Variants in ANKMY1 observed in about 807,000 individuals in gnomAD.
ANKMY1 encodes the protein ankyrin repeat and MYND domain-containing protein 1.
In ANKMY1, 98 loss-of-function variants were observed where a neutral mutation model predicts 102.0. The ratio of observed to expected loss-of-function variants is 0.96; its 90% confidence interval spans 0.82 to 1.14. The LOEUF is 1.14. ANKMY1 is among the 50% of genes most tolerant of loss of function. ANKMY1 has a pLI of 0.00. For synonymous variants in ANKMY1, 582 were observed against 559.9 expected (o/e 1.04, Z -0.56); for missense variants, 1,330 against 1,347.6 (o/e 0.99, Z 0.20).
chr2:240,501,984 G>A (rs1479129372), intron 13 of ANKMY1, among the ~76,000 whole-genome samples: 2 of 152,182 alleles, frequency 1.3e-5, no homozygotes, highest in South Asian at 2.1e-4. Flanking sequence ...CCCATGAGTC[G>A]GTTCCCTGCT....
At chr2:240,517,313 T>C (rs1009166484) in intron 9 of ANKMY1, among the ~76,000 whole-genome samples, 21 of 152,220 alleles carry the variant, frequency 1.4e-4, no homozygotes, top group African/African-American at 4.8e-4. Flanking sequence ...CTTCCGGGCA[T>C]GTGGTAAGTG....
Position 240,524,330 on chromosome 2 carries a change from T to C in ANKMY1, c.1387A>G (p.Thr463Ala), listed in dbSNP as rs764115688. ...TCATAGTACAGAGACTCCAGGTTTGTGTCCATAAATGATGATGAAAGGATT... is the reference window on the plus strand; with the variant it reads ...TCATAGTACAGAGACTCCAGGTTTGCGTCCATAAATGATGATGAAAGGATT... ...VPILSSSFMDTNLESLYYEVN... is the reference protein window; with the variant it reads ...VPILSSSFMDANLESLYYEVN... Residue 463 changes from threonine to alanine, a missense_variant, in exon 8 of 18, where the codon ACA becomes GCA. Physicochemically the swap from Thr to Ala is moderately conservative, Grantham distance 58. Transcript: ENST00000401804. 3.1e-6 allele frequency: 5 copies of C among 1,610,812 alleles called. No individual in the cohort carries two copies. The highest frequency in any genetic ancestry group is 4.2e-6 in the Non-Finnish European group (5 of 1,178,128).
At chr2:240,471,566 C>A in the ANKMY1 span, among the ~76,000 whole-genome samples, 17 of 152,210 alleles carry the variant, frequency 1.1e-4, no homozygotes, top group African/African-American at 4.1e-4. Flanking sequence ...AAGGATAGAA[C>A]AATTCCATTT....
At position 240,520,095 on chromosome 2, in the gene ANKMY1, T is replaced by C. The variant is rs906188502; in HGVS notation, c.2004+267A>G. 2 of 661,284 alleles carry C rather than the reference T, an allele frequency of 3.0e-6. No homozygotes were observed. The highest frequency in any genetic ancestry group is 5.7e-6 in the Non-Finnish European group (2 of 351,320). The allele number at this position is 661,284 out of a possible 1,614,324, so 41.0% of individuals were successfully genotyped here. ...GGGGCCTTCAGGATGCGCTTCCCCT[T>C]AGTTTGCTTCAACACTGGGAAAAAA... On this transcript the variant is annotated intron_variant, in intron 9 of 17. Coordinates refer to ENST00000401804, the MANE Select transcript of ANKMY1 (RefSeq NM_001282771.3). This position sits in a 1 kb window ranked among gnomAD's most constrained non-coding sequence, Gnocchi z 4.8.
intron 2 of ANKMY1, among the ~76,000 whole-genome samples, chr2:240,556,018 T>A (rs2092308582): frequency 1.3e-5 from 2 of 151,918 alleles, no homozygotes. Flanking sequence ...CTAGGGAGGG[T>A]CCTCTTCCTG....
chr2:240,554,895 A>T lies in ANKMY1; in HGVS notation c.307T>A (p.Tyr103Asn), dbSNP rs2092112736. 1 of 1,613,978 alleles carries T rather than the reference A, an allele frequency of 6.2e-7. No homozygotes were observed. The change falls in exon 3 of 18, where the codon TAT (tyrosine) becomes AAT (asparagine). Residue 103 changes from tyrosine (Y) to asparagine (N), a missense_variant. By Grantham distance (143) the Tyr-to-Asn change is moderately radical. Transcript: ENST00000401804. ...CCTGTGGGCCAAGAGAATTTGCCAT[A>T]TCCAAGCTTCATGTTCAACCCAAAC... ...GEFGLNMKLG[Y>N]GKFSWPTGES...
intron 4 of ANKMY1, among the ~76,000 whole-genome samples, chr2:240,531,106 A>C (rs2085279988): frequency 6.6e-6 from 1 of 152,202 alleles, no homozygotes; most frequent in Non-Finnish European, 1.5e-5. Flanking sequence ...TCACCATAGA[A>C]GATATGTAGA....
rs773208443 is a variant in ANKMY1, at chr2:240,481,004, G to C, written c.2979C>G (p.Ser993Arg). Residue 993 changes from serine (S) to arginine (R), a missense_variant, in exon 17 of 18, where the codon AGC becomes AGG. By Grantham distance (110) the Ser-to-Arg change is moderately radical. Transcript: ENST00000401804. ...TCCAGGCCTTGGTCTTGCAGTACTT[G>C]CTGCAGGTCAGGATCCCGTAGCAGC... ...CPRCYGILTC[S>R]KYCKTKAWTE... The C allele has an allele frequency of 1.2e-5, 19 of 1,613,862 alleles. No individual in the cohort carries two copies. Among genetic ancestry groups the C allele is most frequent in the Non-Finnish European group, 1.5e-5 (18 of 1,179,888 alleles).
intron 4 of ANKMY1, among the ~76,000 whole-genome samples, chr2:240,536,024 C>T (rs2086643413): frequency 6.6e-6 from 1 of 152,166 alleles, no homozygotes; most frequent in Non-Finnish European, 1.5e-5. Flanking sequence ...TGCAACCATA[C>T]AAGGCACACA....
chr2:240,524,435 T>C, intron 7 of ANKMY1, 54 bp from the exon 8 acceptor site: 2 of 1,531,266 alleles, frequency 1.3e-6, no homozygotes, highest in East Asian at 2.3e-5. Flanking sequence ...GATAACCTCA[T>C]TCTAGGACCT....
At chr2:240,491,412 T>C (rs932053188) in intron 15 of ANKMY1, among the ~76,000 whole-genome samples, 16 of 152,196 alleles carry the variant, frequency 1.1e-4, no homozygotes, top group African/African-American at 3.9e-4. Flanking sequence ...ATACTTCTTG[T>C]TCCTTTCTTA....
chr2:240,487,547 T>A (rs2151900586), intron 15 of ANKMY1, among the ~76,000 whole-genome samples: 1 of 152,244 alleles, frequency 6.6e-6, no homozygotes, highest in South Asian at 2.1e-4. Context: ...GAAATCTTCA[T>A]ACTGTTTTCC....
chr2:240,511,326 G>C (rs922214706), intron 11 of ANKMY1, among the ~76,000 whole-genome samples: 7 of 152,254 alleles, frequency 4.6e-5, no homozygotes, highest in Non-Finnish European at 7.3e-5. Flanking sequence ...CAACTGGCTT[G>C]GGCTGCATCT....
Position 240,479,466 on chromosome 2 carries a change from A to G in ANKMY1, c.*143T>C. On this transcript the variant is annotated 3_prime_UTR_variant, in exon 18 of 18. Transcript: ENST00000401804. ...TGGGGCCAATTTATTGCGAGGTCGC[A>G]AGGGAGACACTGCTACAAAGCATGA... The G allele has an allele frequency of 9.9e-7, 1 of 1,005,968 alleles. No homozygotes were observed. 62.3% of individuals were successfully genotyped at this position (1,005,968 alleles called of 1,614,324 possible).
intron 16 of ANKMY1, 54 bp from the exon 17 acceptor site, chr2:240,481,151 C>A: frequency 6.4e-7 from 1 of 1,573,964 alleles, no homozygotes; most frequent in Non-Finnish European, 8.7e-7. Flanking sequence ...TGCTTCCCCA[C>A]AAACAGCCGC....
chr2:240,472,348 A>G, the ANKMY1 span, among the ~76,000 whole-genome samples: 1 of 147,122 alleles, frequency 6.8e-6, no homozygotes, highest in Admixed American at 6.7e-5. Flanking sequence ...CCACTCTGCC[A>G]TGGTCTGAAG....
chr2:240,540,429 T>A (rs923912301), intron 4 of ANKMY1, among the ~76,000 whole-genome samples: 1 of 152,170 alleles, frequency 6.6e-6, no homozygotes, highest in Non-Finnish European at 1.5e-5. Context: ...GCTTGAAACT[T>A]TGTTTTATGT....
chr2:240,558,170 C>T (rs2125313031), upstream of ANKMY1: 1 of 166,474 alleles, frequency 6.0e-6, no homozygotes, highest in East Asian at 1.9e-4. Flanking sequence ...CTTACCCGGT[C>T]AGCCCCTGGG....
intron 4 of ANKMY1, chr2:240,531,957 T>A (rs531800055): frequency 9.3e-5 from 21 of 226,950 alleles, no homozygotes; most frequent in African/African-American, 4.5e-4. Context: ...AAGAATAGCA[T>A]GTTCAATATA....
Sources: allele counts gnomAD v4.1 joint callset (sites outside exome capture counted in the v4.1 genomes callset), GRCh38; gene constraint gnomAD v4.1.1; non-coding constraint Gnocchi (gnomAD v3.1); transcripts MANE v1.5; gene names NCBI Gene and HGNC (gene_info 2026-07-23, HGNC 2026-07-21).